Variants in AGAP1 observed in about 807,000 individuals in gnomAD.
AGAP1 encodes ArfGAP with GTPase domain, ankyrin repeat and PH domain 1, also known as arf-GAP with GTPase, ANK repeat and PH domain-containing protein 1.
AGAP1 carries 29 observed loss-of-function variants against 105.3 expected under a neutral mutation model. The observed-to-expected ratio is 0.28, with a 90% CI of 0.21 to 0.38. The LOEUF is 0.38. Among genes scored for constraint, AGAP1 ranks in the 10% least tolerant of loss-of-function variants. The pLI is 1.00. For missense variants in AGAP1, 998 were observed against 1,165.1 expected (o/e 0.86, Z 2.09); for synonymous variants, 509 against 485.9 (o/e 1.05, Z -0.63).
In AGAP1 at chr2:236,124,398, G is replaced by C; in HGVS notation, c.*276G>C. On this transcript the variant is annotated 3_prime_UTR_variant, in exon 18 of 18. Transcript: ENST00000304032. The surrounding 1 kb of genome is among the most constrained non-coding windows in gnomAD (Gnocchi z 5.1). ...GAGCGACGGGCCTCGGCCCTTTGAT[G>C]ATAGCACATGGCGCAGGACCCTTGT... 1 of 500,636 alleles carries C rather than the reference G, an allele frequency of 2.0e-6. No individual in the cohort carries two copies. Among genetic ancestry groups the C allele is most frequent in the Non-Finnish European group, 3.7e-6 (1 of 273,912 alleles). The allele number at this position is 500,636 out of a possible 1,614,324, so 31.0% of individuals were successfully genotyped here.
At chr2:236,102,233 C>T (rs7566323) in intron 16 of AGAP1, among the ~76,000 whole-genome samples, 24,120 of 151,716 alleles carry the variant, frequency 0.16, 2,102 homozygotes, top group African/African-American at 0.22. Flanking sequence ...CTGGCTAACA[C>T]GGTGAAACCC....
At chr2:235,563,885 T>C (rs941948668) in intron 1 of AGAP1, among the ~76,000 whole-genome samples, 1 of 152,132 alleles carries the variant, frequency 6.6e-6, no homozygotes, top group African/African-American at 2.4e-5. Context: ...GGGGACATTG[T>C]GGCTCCAGCA....
In AGAP1 at chr2:235,883,201, A is replaced by G. The variant is rs2050116576; in HGVS notation, c.1051-144A>G. 2.0e-5 allele frequency: 13 copies of G among 648,310 alleles called. No individual in the cohort carries two copies. The South Asian group carries it at 2.0e-4, about 10-fold the overall frequency. The allele number at this position is 648,310 out of a possible 1,614,324, so 40.2% of individuals were successfully genotyped here. On this transcript the variant is annotated intron_variant, in intron 9 of 17. Coordinates refer to ENST00000304032, the MANE Select transcript of AGAP1 (RefSeq NM_001037131.3). The surrounding 1 kb of genome is among the most constrained non-coding windows in gnomAD (Gnocchi z 4.5). Reference sequence around the variant, plus strand: ...TGTTTGTGTCGTATTTGTTGAACTAATGGCATATCTTTTAGCATTCGCCAG... The same window carrying G: ...TGTTTGTGTCGTATTTGTTGAACTAGTGGCATATCTTTTAGCATTCGCCAG...
intron 16 of AGAP1, among the ~76,000 whole-genome samples, chr2:236,077,125 A>AG (rs2058657518): frequency 4.0e-5 from 3 of 75,930 alleles, no homozygotes; most frequent in Non-Finnish European, 6.6e-5. Flanking sequence ...AAAAAAGAGT[A>AG]GAAAAAAAAA....
At position 235,927,699 on chromosome 2, in the gene AGAP1, A is replaced by G. The variant is rs1407759099; in HGVS notation, c.1325-3066A>G. Among the ~76,000 whole-genome samples the G allele has an allele frequency of 6.6e-6, 1 of 152,186 alleles. No individual in the cohort carries two copies. The highest frequency in any genetic ancestry group is 1.5e-5 in the Non-Finnish European group (1 of 68,032). On this transcript the variant is annotated intron_variant, in intron 11 of 17. Coordinates refer to ENST00000304032, the MANE Select transcript of AGAP1 (RefSeq NM_001037131.3). The surrounding 1 kb of genome is among the most constrained non-coding windows in gnomAD (Gnocchi z 4.4). ...CAAGTAGTCAGTGATGGATGCACTG[A>G]AATACTGTCCTCTGCCTTTTAAAGG... is the stretch of plus-strand genomic sequence containing the variant.
chr2:235,852,810 A>C (rs1241812339), intron 9 of AGAP1: 1 of 1,520,902 alleles, frequency 6.6e-7, no homozygotes, highest in Admixed American at 2.2e-5. Flanking sequence ...CATTGTGCTG[A>C]AGGCCCACAA....
In AGAP1 at chr2:236,009,731, G is replaced by A. The variant is rs2056445797; in HGVS notation, c.1646-26830G>A. 6.6e-6 allele frequency among the ~76,000 whole-genome samples: 1 copy of A among 152,180 alleles called. No homozygotes were observed. Among genetic ancestry groups the A allele is most frequent in the Non-Finnish European group, 1.5e-5 (1 of 68,032 alleles). On this transcript the variant is annotated intron_variant, in intron 13 of 17. Coordinates refer to ENST00000304032, the MANE Select transcript of AGAP1 (RefSeq NM_001037131.3). This position sits in a 1 kb window ranked among gnomAD's most constrained non-coding sequence, Gnocchi z 4.2. Reference sequence around the variant, plus strand: ...GTTCTCATAATTGATTCTGAGGGCTGCAGCGTGCCTCATTTAGCCGTCCCT... The same window carrying A: ...GTTCTCATAATTGATTCTGAGGGCTACAGCGTGCCTCATTTAGCCGTCCCT...
At chr2:235,946,640 CTG>C (rs1479902600) in intron 12 of AGAP1, among the ~76,000 whole-genome samples, 1 of 152,230 alleles carries the variant, frequency 6.6e-6, no homozygotes, top group African/African-American at 2.4e-5. Flanking sequence ...GAAACAATCT[CTG>C]TGTCCAGAAG....
chr2:235,685,704 CAG>C (rs1949344451), intron 1 of AGAP1, among the ~76,000 whole-genome samples: 1 of 151,898 alleles, frequency 6.6e-6, no homozygotes, highest in Non-Finnish European at 1.5e-5. Flanking sequence ...AAAATCAAAA[CAG>C]AAATATTTGG....
rs905490292 is a variant in AGAP1 at position 235,662,562 on chromosome 2, A to G, written c.164-46617A>G. Among the ~76,000 whole-genome samples the G allele has an allele frequency of 7.0e-6, 1 of 142,960 alleles. No homozygotes were observed. The highest frequency in any genetic ancestry group is 1.5e-5 in the Non-Finnish European group (1 of 66,734). The allele number at this position is 142,960 out of a possible 152,430, so 93.8% of individuals were successfully genotyped here. A position where few individuals can be genotyped will look rare whatever the true frequency, so the allele number is the denominator to read the frequency against. ...GGCTCTGTTGCCCAGGCTGGATTGC[A>G]GTGGTGGCATCTCAGCTCACTGCAA... is the stretch of plus-strand genomic sequence containing the variant. On this transcript the variant is annotated intron_variant, in intron 1 of 17. Transcript: ENST00000304032. This position sits in a 1 kb window ranked among gnomAD's most constrained non-coding sequence, Gnocchi z 4.2.
At position 235,600,907 on chromosome 2, in the gene AGAP1, C is replaced by T. The variant is rs1945707556; in HGVS notation, c.163+106058C>T. On this transcript the variant is annotated intron_variant, in intron 1 of 17. Coordinates refer to ENST00000304032, the MANE Select transcript of AGAP1 (RefSeq NM_001037131.3). This position sits in a 1 kb window ranked among gnomAD's most constrained non-coding sequence, Gnocchi z 4.8. The stretch of plus-strand genomic sequence containing the variant: ...ACTCAGTATTAACCAGCATACCCAC[C>T]ATTGTTTCACCTGCAGCCTCCCCCA... Among the ~76,000 whole-genome samples, 1 of 152,178 alleles carries T rather than the reference C, an allele frequency of 6.6e-6. No individual in the cohort carries two copies. The highest frequency in any genetic ancestry group is 2.1e-4 in the South Asian group (1 of 4,830).
At chr2:236,099,883 T>A (rs982326473) in intron 16 of AGAP1, among the ~76,000 whole-genome samples, 4 of 151,830 alleles carry the variant, frequency 2.6e-5, no homozygotes, top group Admixed American at 2.0e-4. Flanking sequence ...CTACTAAAAA[T>A]ACAAAAATTA....
rs1172393048 is a variant in AGAP1, at chr2:235,746,377, C to CTTTTTTTTTTTTTT, written c.538+1559_538+1572dup. ...GCTTCCTGGAGAGCACCTCCCCCAA[C>CTTTTTTTTTTTTTT]TTTTTTTTTTTTTTTTTTTTTTTTT... is the stretch of plus-strand genomic sequence containing the variant. On this transcript the variant is annotated intron_variant, in intron 5 of 17. Transcript: ENST00000304032. Among the ~76,000 whole-genome samples the CTTTTTTTTTTTTTT allele has an allele frequency of 1.7e-3, 93 of 55,560 alleles. 14 individuals carry two copies. Among genetic ancestry groups the CTTTTTTTTTTTTTT allele is most frequent in the South Asian group, 3.4e-3 (3 of 886 alleles). The allele number at this position is 55,560 out of a possible 152,430, so 36.4% of individuals were successfully genotyped here. A position where few individuals can be genotyped will look rare whatever the true frequency, so the allele number is the denominator to read the frequency against.
rs1197645221 is a variant in AGAP1 at position 235,635,813 on chromosome 2, G to T, written c.164-73366G>T. Among the ~76,000 whole-genome samples the T allele has an allele frequency of 1.3e-5, 2 of 152,076 alleles. No homozygotes were observed. Among genetic ancestry groups the T allele is most frequent in the African/African-American group, 4.8e-5 (2 of 41,402 alleles). ...GTAGGACAAATGTTTTCCTTTCCGT[G>T]CTTTAAAAGTCTCATCTTAGACCGG... is the stretch of plus-strand genomic sequence containing the variant. On this transcript the variant is annotated intron_variant, in intron 1 of 17. Transcript: ENST00000304032. The surrounding 1 kb of genome is among the most constrained non-coding windows in gnomAD (Gnocchi z 5.3).
At chr2:235,542,219 G>T (rs192512011) in intron 1 of AGAP1, among the ~76,000 whole-genome samples, 2 of 151,562 alleles carry the variant, frequency 1.3e-5, no homozygotes, top group Non-Finnish European at 2.9e-5. Context: ...GTGGGTCCCG[G>T]GGGGGGGCCA....
intron 6 of AGAP1, among the ~76,000 whole-genome samples, chr2:235,765,416 A>G (rs548617559): frequency 6.6e-6 from 1 of 152,192 alleles, no homozygotes; most frequent in South Asian, 2.1e-4. Context: ...CGGCCCCTCC[A>G]GTGGGAACAT....
In AGAP1 at chr2:235,769,155, C is replaced by T. The variant is rs868180421; in HGVS notation, c.673+18667C>T. On this transcript the variant is annotated intron_variant, in intron 6 of 17. Transcript: ENST00000304032. This position sits in a 1 kb window ranked among gnomAD's most constrained non-coding sequence, Gnocchi z 4.4. ...CTTCTGGGTTCTTAGTGCCCGTCCC[C>T]CGTAGCTCCGTCACACAGTCCTGTT... 6.6e-6 allele frequency among the ~76,000 whole-genome samples: 1 copy of T among 152,126 alleles called. No individual in the cohort carries two copies. The highest frequency in any genetic ancestry group is 1.5e-5 in the Non-Finnish European group (1 of 68,030).
intron 1 of AGAP1, among the ~76,000 whole-genome samples, chr2:235,588,753 A>G (rs1355167793): frequency 6.6e-6 from 1 of 152,192 alleles, no homozygotes; most frequent in Non-Finnish European, 1.5e-5. Context: ...ATTATAGATC[A>G]AGAATATCAT....
rs775142683 is a variant in AGAP1 at position 235,720,264 on chromosome 2, A to G, written c.310+2620A>G. Among the ~76,000 whole-genome samples, 2 of 152,166 alleles carry G rather than the reference A, an allele frequency of 1.3e-5. No homozygotes were observed. Among genetic ancestry groups the G allele is most frequent in the East Asian group, 1.9e-4 (1 of 5,190 alleles). ...TTGTCCAGTGAGTTAGTGTTGATCA[A>G]TTACCCATGCTTTGCTTAATTGAGA... On this transcript the variant is annotated intron_variant, in intron 3 of 17. Coordinates refer to ENST00000304032, the MANE Select transcript of AGAP1 (RefSeq NM_001037131.3). This position sits in a 1 kb window ranked among gnomAD's most constrained non-coding sequence, Gnocchi z 5.0.
Sources: allele counts gnomAD v4.1 joint callset (sites outside exome capture counted in the v4.1 genomes callset), GRCh38; gene constraint gnomAD v4.1.1; non-coding constraint Gnocchi (gnomAD v3.1); transcripts MANE v1.5; gene names NCBI Gene and HGNC (gene_info 2026-07-23, HGNC 2026-07-21).